Variants in RRAS2 observed in about 807,000 individuals in gnomAD.
The protein encoded by RRAS2 is ras-related protein R-Ras2.
A neutral mutation model predicts 27.6 loss-of-function variants in RRAS2; 7 were observed. The ratio of observed to expected loss-of-function variants is 0.25; its 90% CI spans 0.14 to 0.48. RRAS2 has a LOEUF of 0.48. Ranked by LOEUF, RRAS2 falls within the 20% of genes least tolerant of loss-of-function variation. The pLI is 0.99. For synonymous variants in RRAS2, 86 were observed against 90.9 expected, an observed-to-expected ratio of 0.95 and a Z score of 0.31; for missense variants, 178 against 256.2, an observed-to-expected ratio of 0.69 and a Z score of 2.08.
intron 1 of RRAS2, among the ~76,000 whole-genome samples, chr11:14,357,293 C>G (rs1217913848): frequency 6.6e-6 from 1 of 152,052 alleles, no homozygotes; most frequent in African/African-American, 2.4e-5. Context: ...CTCCACTTAT[C>G]CCCTCACCCC....
intron 1 of RRAS2, among the ~76,000 whole-genome samples, chr11:14,307,220 CAA>C (rs1218509769): frequency 2.3e-5 from 3 of 131,488 alleles, no homozygotes; most frequent in African/African-American, 8.6e-5. Context: ...CAAAAAAAAA[CAA>C]AAAACAACAA....
intron 1 of RRAS2, among the ~76,000 whole-genome samples, chr11:14,318,031 A>G (rs1190731468): frequency 3.9e-5 from 6 of 152,220 alleles, no homozygotes; most frequent in Non-Finnish European, 7.3e-5. Context: ...GAATAAAGGA[A>G]TCATTTTCAT....
intron 1 of RRAS2, among the ~76,000 whole-genome samples, chr11:14,328,657 C>T (rs1848418588): frequency 1.3e-5 from 2 of 151,508 alleles, no homozygotes; most frequent in Admixed American, 1.3e-4. Context: ...AGATGCAATA[C>T]ACATACACCA....
At chr11:14,304,266 A>G (rs562506106) in intron 1 of RRAS2, among the ~76,000 whole-genome samples, 1 of 152,350 alleles carries the variant, frequency 6.6e-6, no homozygotes, top group East Asian at 1.9e-4. Context: ...CTTAAGGAGA[A>G]GCATCTTTCT....
intron 1 of RRAS2, among the ~76,000 whole-genome samples, chr11:14,303,968 C>T (rs1554947736): frequency 6.6e-6 from 1 of 152,194 alleles, no homozygotes; most frequent in African/African-American, 2.4e-5. Context: ...TCTGGGGTTT[C>T]CATGGGTACC....
chr11:14,338,907 G>A (rs1848642373), intron 1 of RRAS2, among the ~76,000 whole-genome samples: 2 of 152,118 alleles, frequency 1.3e-5, no homozygotes, highest in South Asian at 4.2e-4. Flanking sequence ...ACTAACCTCT[G>A]TTAAACCAAA....
chr11:14,315,275 G>A (rs923151332), intron 1 of RRAS2, among the ~76,000 whole-genome samples: 17 of 152,078 alleles, frequency 1.1e-4, no homozygotes, highest in Admixed American at 1.3e-4. Flanking sequence ...TACAAATCAC[G>A]CTGACAGCAT....
intron 1 of RRAS2, among the ~76,000 whole-genome samples, chr11:14,320,750 T>C (rs781974082): frequency 6.6e-6 from 1 of 152,134 alleles, no homozygotes; most frequent in Non-Finnish European, 1.5e-5. Context: ...AAAATAAAAA[T>C]ATAAAAGAAC....
Position 14,324,665 on chromosome 11 carries a change from C to T in RRAS2, c.109-28810G>A, listed in dbSNP as rs139740743. On this transcript the variant is annotated intron_variant, in intron 1 of 5. Coordinates refer to ENST00000256196, the MANE Select transcript of RRAS2 (RefSeq NM_012250.6). Reference sequence around the variant, plus strand: ...TTTTTGTTTTGCTCAATGCCATTTTCCCAGCACCTAAAAAGTTCCTGGCAC... The same window carrying T: ...TTTTTGTTTTGCTCAATGCCATTTTTCCAGCACCTAAAAAGTTCCTGGCAC... Among the ~76,000 whole-genome samples the T allele has an allele frequency of 5.8e-3, 889 of 152,220 alleles. 8 individuals are homozygous for T. The highest frequency in any genetic ancestry group is 0.021 in the African/African-American group (853 of 41,524).
intron 1 of RRAS2, among the ~76,000 whole-genome samples, chr11:14,329,257 G>A (rs1433629837): frequency 1.3e-5 from 2 of 151,778 alleles, no homozygotes; most frequent in Admixed American, 6.6e-5. Context: ...TGGGATTATA[G>A]GCATGAGCCC....
intron 1 of RRAS2, among the ~76,000 whole-genome samples, chr11:14,338,831 T>C (rs542500878): frequency 4.6e-5 from 7 of 152,254 alleles, no homozygotes; most frequent in African/African-American, 1.2e-4. Context: ...ATTTTTTTTT[T>C]CCACCACAAT....
At chr11:14,351,163 G>T (rs1848942182) in intron 1 of RRAS2, among the ~76,000 whole-genome samples, 1 of 152,078 alleles carries the variant, frequency 6.6e-6, no homozygotes, top group Non-Finnish European at 1.5e-5. Flanking sequence ...ATCTAATCAT[G>T]AAGAAACATC....
intron 1 of RRAS2, among the ~76,000 whole-genome samples, chr11:14,337,984 C>T (rs1013700674): frequency 3.3e-5 from 5 of 152,084 alleles, no homozygotes; most frequent in African/African-American, 1.2e-4. Flanking sequence ...TATGGACAAA[C>T]TCCATAGCTT....
intron 4 of RRAS2, among the ~76,000 whole-genome samples, chr11:14,293,124 AATATATATATATATATATATATATATAT>A (rs781860601): frequency 1.4e-4 from 11 of 76,800 alleles, no homozygotes; most frequent in African/African-American, 6.2e-4. Flanking sequence ...AAACAAAACA[AATATATATATATATATATATATATATAT>A]ATATATATAT....
At chr11:14,337,288 T>C (rs1218822615) in intron 1 of RRAS2, 1 of 152,220 alleles carries the variant, frequency 6.6e-6, no homozygotes, top group African/African-American at 2.4e-5. Flanking sequence ...CCACACTGTA[T>C]ATGCTACTCA....
chr11:14,337,697 G>C (rs556695225), intron 1 of RRAS2, among the ~76,000 whole-genome samples: 36 of 152,066 alleles, frequency 2.4e-4, no homozygotes, highest in Non-Finnish European at 4.0e-4. Context: ...GATATGTAGG[G>C]TTCAATACTA....
chr11:14,301,131 G>A (rs1383458164), intron 1 of RRAS2, among the ~76,000 whole-genome samples: 2 of 152,112 alleles, frequency 1.3e-5, no homozygotes, highest in African/African-American at 4.8e-5. Flanking sequence ...GAAAGGGGAA[G>A]GGAAAAGGAA....
chr11:14,281,313 A>G (rs1172936742), intron 5 of RRAS2, among the ~76,000 whole-genome samples: 1 of 152,224 alleles, frequency 6.6e-6, no homozygotes. Context: ...CGTTTAGCAC[A>G]GAAGCTGGCA....
intron 4 of RRAS2, among the ~76,000 whole-genome samples, chr11:14,292,528 T>C (rs191633781): frequency 2.0e-5 from 3 of 152,102 alleles, no homozygotes; most frequent in Admixed American, 2.0e-4. Flanking sequence ...CAGGGTCCAC[T>C]GGGCAACATC....
Sources: allele counts gnomAD v4.1 joint callset (sites outside exome capture counted in the v4.1 genomes callset), GRCh38; gene constraint gnomAD v4.1.1; transcripts MANE v1.5; gene names NCBI Gene and HGNC (gene_info 2026-07-23, HGNC 2026-07-21).